The following MGAT4C variants were observed in gnomAD, a reference collection of about 807,000 sequenced individuals.
The protein encoded by MGAT4C is alpha-1,3-mannosyl-glycoprotein 4-beta-N-acetylglucosaminyltransferase C.
Under a neutral mutation model 40.1 loss-of-function variants are expected in MGAT4C, and 19 were observed. The observed-to-expected ratio is 0.47, with a 90% CI of 0.33 to 0.70. MGAT4C has a LOEUF of 0.70. Ranked by LOEUF, MGAT4C falls within the 30% of genes least tolerant of loss-of-function variation. MGAT4C has a pLI of 0.02. For missense variants in MGAT4C, 491 were observed against 563.2 expected, an observed-to-expected ratio of 0.87 and a Z score of 1.30; for synonymous variants, 181 against 187.1, an observed-to-expected ratio of 0.97 and a Z score of 0.27.
rs749142825 is a variant in MGAT4C at position 86,599,984 on chromosome 12, C to CA, written c.-229+127224dup. On this transcript the variant is annotated intron_variant, in intron 2 of 7. Transcript: ENST00000548651. ...TCCAGGGAAGGATATTGAAAATAAACAAAAAAACCAGAAACAAAGTAAACA... is the reference window on the plus strand; with the variant it reads ...TCCAGGGAAGGATATTGAAAATAAACAAAAAAAACCAGAAACAAAGTAAACA... 1.2e-4 allele frequency among the ~76,000 whole-genome samples: 18 copies of CA among 150,946 alleles called. No individual in the cohort carries two copies. The East Asian group carries it at 2.4e-3, about 20-fold the overall frequency.
chr12:86,600,956 TA>T (rs1961748751), intron 2 of MGAT4C, among the ~76,000 whole-genome samples: 1 of 152,256 alleles, frequency 6.6e-6, no homozygotes, highest in Admixed American at 6.5e-5. Context: ...TATGTCCTGA[TA>T]GCCGAGCCCA....
chr12:86,524,968 T>C (rs1958856346), intron 2 of MGAT4C, among the ~76,000 whole-genome samples: 1 of 152,222 alleles, frequency 6.6e-6, no homozygotes, highest in Admixed American at 6.5e-5. Flanking sequence ...TTCTACATTG[T>C]TTTATTATGA....
intron 1 of MGAT4C, among the ~76,000 whole-genome samples, chr12:86,108,698 AG>A (rs2135629031): frequency 6.6e-6 from 1 of 152,286 alleles, no homozygotes; most frequent in Admixed American, 6.5e-5. Context: ...TTAAATGTTA[AG>A]TCTCCACTCC....
At chr12:86,107,026 T>G (rs1876309013) in intron 1 of MGAT4C, among the ~76,000 whole-genome samples, 1 of 152,150 alleles carries the variant, frequency 6.6e-6, no homozygotes, top group African/African-American at 2.4e-5. Context: ...TACTAAGCCC[T>G]CAAGATTCAC....
upstream of MGAT4C, among the ~76,000 whole-genome samples, chr12:86,259,497 A>G (rs1450821719): frequency 6.6e-6 from 1 of 151,948 alleles, no homozygotes; most frequent in Non-Finnish European, 1.5e-5. Flanking sequence ...AAATAAAAGG[A>G]TGGTGTCATT....
intron 2 of MGAT4C, among the ~76,000 whole-genome samples, chr12:86,668,801 C>G (rs763398545): frequency 3.3e-5 from 5 of 152,134 alleles, no homozygotes; most frequent in Non-Finnish European, 7.4e-5. Context: ...GACTTGCTGC[C>G]AGATCCAGCT....
intron 2 of MGAT4C, chr12:86,022,680 G>C (rs1023942534): frequency 6.6e-6 from 1 of 152,592 alleles, no homozygotes; most frequent in Non-Finnish European, 1.5e-5. Flanking sequence ...ATGCACTTCA[G>C]CCTGAGTGAC....
intron 2 of MGAT4C, among the ~76,000 whole-genome samples, chr12:86,670,469 A>C (rs912666766): frequency 2.6e-5 from 4 of 152,184 alleles, no homozygotes; most frequent in African/African-American, 9.6e-5. Context: ...GACTAAACCA[A>C]GCAAAAGAAA....
intron 2 of MGAT4C, among the ~76,000 whole-genome samples, chr12:86,720,257 C>T (rs1049511531): frequency 6.6e-6 from 1 of 151,872 alleles, no homozygotes; most frequent in African/African-American, 2.4e-5. Flanking sequence ...GCTAAAGTCT[C>T]CGAAATCATG....
At chr12:86,061,131 G>A (rs980962370) in intron 1 of MGAT4C, among the ~76,000 whole-genome samples, 1 of 152,162 alleles carries the variant, frequency 6.6e-6, no homozygotes, top group Non-Finnish European at 1.5e-5. Flanking sequence ...CAGGAGGCGG[G>A]TTATTTCTGC....
chr12:86,716,963 G>A (rs1022006002), intron 2 of MGAT4C, among the ~76,000 whole-genome samples: 4 of 152,084 alleles, frequency 2.6e-5, no homozygotes, highest in African/African-American at 9.7e-5. Context: ...TGTTGTCATT[G>A]TAGTAGTGAT....
chr12:86,381,617 C>T (rs1427584964), intron 3 of MGAT4C, among the ~76,000 whole-genome samples: 1 of 152,182 alleles, frequency 6.6e-6, no homozygotes, highest in African/African-American at 2.4e-5. Context: ...TCTTCACAGA[C>T]ACACACACAA....
Position 85,977,648 on chromosome 12 carries a change from A to G in MGAT4C, c.*1641T>C, listed in dbSNP as rs1294201276. On this transcript the variant is annotated 3_prime_UTR_variant, in exon 5 of 5. Transcript: ENST00000611864. ...TGAGTTTCTCATTTATTTGCAGAGA[A>G]CGAATAAAATAAAAATATCCTAGTG... is the stretch of plus-strand genomic sequence containing the variant. 1 of 151,530 alleles carries G rather than the reference A, an allele frequency of 6.6e-6. No individual in the cohort carries two copies. The highest frequency in any genetic ancestry group is 1.5e-5 in the Non-Finnish European group (1 of 67,588). 9.4% of individuals were successfully genotyped at this position (151,530 alleles called of 1,614,324 possible).
chr12:86,704,732 C>T (rs2136621009), intron 2 of MGAT4C, among the ~76,000 whole-genome samples: 1 of 152,120 alleles, frequency 6.6e-6, no homozygotes, highest in African/African-American at 2.4e-5. Flanking sequence ...ATTTTCTTGC[C>T]TCAAGTCACT....
chr12:86,648,004 C>G (rs1338705964), intron 2 of MGAT4C, among the ~76,000 whole-genome samples: 1 of 151,868 alleles, frequency 6.6e-6, no homozygotes, highest in Non-Finnish European at 1.5e-5. Flanking sequence ...TTCTTGTTTA[C>G]TATTGTGACT....
intron 2 of MGAT4C, among the ~76,000 whole-genome samples, chr12:86,653,496 G>A (rs1348802096): frequency 6.6e-6 from 1 of 151,872 alleles, no homozygotes; most frequent in African/African-American, 2.4e-5. Context: ...TTATCCGAAT[G>A]CTCATACCTA....
chr12:86,181,360 C>G (rs987535907), intron 1 of MGAT4C, among the ~76,000 whole-genome samples: 13 of 152,106 alleles, frequency 8.5e-5, no homozygotes, highest in Middle Eastern at 3.4e-3. Flanking sequence ...AGAGTTGATA[C>G]TGATGTCAAT....
At chr12:86,265,859 G>A (rs987233410) in intron 4 of MGAT4C, among the ~76,000 whole-genome samples, 1 of 151,830 alleles carries the variant, frequency 6.6e-6, no homozygotes, top group African/African-American at 2.4e-5. Flanking sequence ...TTACTTCCTT[G>A]GTTAAATATA....
chr12:86,394,934 G>T (rs1418719967), intron 3 of MGAT4C, among the ~76,000 whole-genome samples: 1 of 151,538 alleles, frequency 6.6e-6, no homozygotes, highest in Non-Finnish European at 1.5e-5. Flanking sequence ...TTTTTTTGAG[G>T]AATATTACAT....
Sources: gnomAD v4.1 joint callset for allele counts (sites outside exome capture counted in the v4.1 genomes callset) on GRCh38, gnomAD v4.1.1 for gene constraint, MANE v1.5 for transcripts, NCBI Gene and HGNC (gene_info 2026-07-23, HGNC 2026-07-21) for gene names.